The following AFF3 variants were observed in gnomAD, a reference collection of about 807,000 sequenced individuals.
The protein encoded by AFF3 is AF4/FMR2 family member 3.
In AFF3, 32 loss-of-function variants were observed where a neutral mutation model predicts 129.7. The observed-to-expected ratio is 0.25, with a 90% CI of 0.19 to 0.33. The LOEUF (loss-of-function observed/expected upper bound fraction) is 0.33, where lower values mean the gene tolerates loss of function less well. Ranked by LOEUF, AFF3 falls within the 10% of genes least tolerant of loss-of-function variation. AFF3 has a pLI of 1.00. For synonymous variants in AFF3, 644 were observed against 635.4 expected (o/e 1.01, Z -0.20); for missense variants, 1,373 against 1,592.0 (o/e 0.86, Z 2.34).
chr2:100,083,613 C>T (rs567458172), intron 4 of AFF3, among the ~76,000 whole-genome samples: 10 of 152,344 alleles, frequency 6.6e-5, no homozygotes, highest in Non-Finnish European at 1.3e-4. Flanking sequence ...TAATGGAAAA[C>T]GGCTGCTGCC....
At chr2:100,093,019 G>C (rs1389713355) in intron 4 of AFF3, among the ~76,000 whole-genome samples, 3,697 of 148,284 alleles carry the variant, frequency 0.025, no homozygotes, top group African/African-American at 0.093. Context: ...GAAATCCAGA[G>C]GAAGAAAGTT....
At chr2:99,734,639 T>C (rs1396400616) in intron 10 of AFF3, among the ~76,000 whole-genome samples, 1 of 151,950 alleles carries the variant, frequency 6.6e-6, no homozygotes, top group Non-Finnish European at 1.5e-5. Flanking sequence ...CCTATTTTTC[T>C]TTTAATATTT....
At chr2:100,071,275 A>C (rs1688160411) in intron 4 of AFF3, among the ~76,000 whole-genome samples, 1 of 152,248 alleles carries the variant, frequency 6.6e-6, no homozygotes, top group South Asian at 2.1e-4. Flanking sequence ...ATAGAGAAAA[A>C]AATTTAAAAT....
intron 7 of AFF3, chr2:100,006,117 T>A (rs767409812): frequency 1.3e-5 from 2 of 152,430 alleles, no homozygotes; most frequent in African/African-American, 2.4e-5. Context: ...GTTGAATAAT[T>A]TAAACAATTA....
chr2:99,554,438 CG>C lies in AFF3; in HGVS notation c.3431del (p.Pro1144ArgfsTer120), dbSNP rs1186236141. The C allele has an allele frequency of 6.2e-7, 1 of 1,613,992 alleles. No homozygotes were observed. The highest frequency in any genetic ancestry group is 8.5e-7 in the Non-Finnish European group (1 of 1,180,038). Reference protein sequence around the residue: ...GSLSNASALSPSTIVSIPQRI... With the variant: ...GSLSNASALSXSTIVSIPQRI... Reference sequence around the variant, plus strand: ...GCTGTGGGATGCTGACGATGGTCGACGGGGACAGGGCGCTGGCGTTGGAGAG... The same window carrying C: ...GCTGTGGGATGCTGACGATGGTCGACGGGACAGGGCGCTGGCGTTGGAGAG... On this transcript the variant is annotated frameshift_variant, in exon 24 of 25. Coordinates refer to ENST00000672756, the MANE Select transcript of AFF3 (RefSeq NM_001386135.1). LOFTEE classifies it high-confidence loss of function.
intron 7 of AFF3, among the ~76,000 whole-genome samples, chr2:99,959,108 TAAAGG>T (rs1676960325): frequency 6.6e-6 from 1 of 151,564 alleles, no homozygotes. Flanking sequence ...GATAAATAAA[TAAAGG>T]AGAGGACAGC....
chr2:100,002,231 C>G (rs916936482), intron 7 of AFF3, among the ~76,000 whole-genome samples: 1 of 152,226 alleles, frequency 6.6e-6, no homozygotes, highest in Non-Finnish European at 1.5e-5. Flanking sequence ...TTTACAGATG[C>G]CTTTTTTGCC....
rs1356644824 is a variant in AFF3 at position 99,992,557 on chromosome 2, CCTTT to C, written c.873+14071_873+14074del. On this transcript the variant is annotated intron_variant, in intron 7 of 24. Transcript: ENST00000672756. ...CGAACCAGAATAAGATAATAGGGAG[CCTTT>C]CTGTCTTTATCAAAAATTTCTAGAA... is the stretch of plus-strand genomic sequence containing the variant. Among the ~76,000 whole-genome samples, 45 of 152,298 alleles carry C rather than the reference CCTTT, an allele frequency of 3.0e-4. 1 individual carries two copies. In the East Asian group the frequency reaches 7.9e-3, roughly 27 times the overall value.
At chr2:99,787,125 C>A (rs2105417330) in intron 8 of AFF3, among the ~76,000 whole-genome samples, 1 of 152,214 alleles carries the variant, frequency 6.6e-6, no homozygotes, top group East Asian at 1.9e-4. Flanking sequence ...GGCAGTTATA[C>A]TTCTCTCAAA....
rs1241586288 is a variant in AFF3 at position 99,727,064 on chromosome 2, G to C, written c.1091+13C>G. 2 of 1,599,750 alleles carry C rather than the reference G, an allele frequency of 1.3e-6. No homozygotes were observed. The highest frequency in any genetic ancestry group is 4.5e-5 in the East Asian group (2 of 44,682). ...AGAACAGGCATCTCTGATAGAAAAT[G>C]AAAGAAACTTACGATGTATTCGATG... On this transcript the variant is annotated intron_variant, in intron 11 of 24. Transcript: ENST00000672756.
Position 100,025,047 on chromosome 2 carries a change from A to T in AFF3, c.54-16115T>A, listed in dbSNP as rs537894753. ...GTTTTAATTTGTTCTTTCCCTTTAA[A>T]CTATCTATAAACATGAAAAATGTAA... On this transcript the variant is annotated intron_variant, in intron 4 of 24. Coordinates refer to ENST00000672756, the MANE Select transcript of AFF3 (RefSeq NM_001386135.1). 2.2e-3 allele frequency among the ~76,000 whole-genome samples: 329 copies of T among 152,232 alleles called. 4 individuals carry two copies. Among genetic ancestry groups the T allele is most frequent in the African/African-American group, 7.5e-3 (311 of 41,542 alleles).
intron 8 of AFF3, among the ~76,000 whole-genome samples, chr2:99,764,616 AT>A (rs1682863569): frequency 6.6e-6 from 1 of 152,242 alleles, no homozygotes; most frequent in Admixed American, 6.5e-5. Flanking sequence ...TGTTTAAAAA[AT>A]AATATGATTC....
chr2:100,040,237 A>G (rs1001056093), intron 4 of AFF3, among the ~76,000 whole-genome samples: 3 of 152,034 alleles, frequency 2.0e-5, no homozygotes, highest in Admixed American at 1.3e-4. Flanking sequence ...TTAGACTGCA[A>G]TCTCCTTCAT....
At chr2:99,642,691 G>A (rs1042574612) in intron 13 of AFF3, among the ~76,000 whole-genome samples, 18 of 152,238 alleles carry the variant, frequency 1.2e-4, no homozygotes, top group Middle Eastern at 3.4e-3. Context: ...TCCTATCTCC[G>A]ACCCCAGCCA....
At chr2:99,917,592 T>C (rs1695559892) in intron 7 of AFF3, among the ~76,000 whole-genome samples, 1 of 152,210 alleles carries the variant, frequency 6.6e-6, no homozygotes, top group Non-Finnish European at 1.5e-5. Flanking sequence ...CATATAATCA[T>C]ACATCATATC....
chr2:100,132,560 G>A (rs1187362298), intron 1 of AFF3, among the ~76,000 whole-genome samples: 2 of 152,102 alleles, frequency 1.3e-5, no homozygotes, highest in Non-Finnish European at 2.9e-5. Flanking sequence ...AAAACAAAGG[G>A]TGCGGTATCT....
intron 7 of AFF3, among the ~76,000 whole-genome samples, chr2:99,970,707 C>T (rs576611357): frequency 2.6e-5 from 4 of 152,172 alleles, no homozygotes; most frequent in African/African-American, 9.7e-5. Context: ...TGGGGTCTAC[C>T]GTTGCCCCTA....
chr2:99,727,046 G>A, intron 11 of AFF3, 31 bp downstream of exon 11: 1 of 1,568,000 alleles, frequency 6.4e-7, no homozygotes, highest in Non-Finnish European at 8.7e-7. Flanking sequence ...TTAAGAACAG[G>A]CATCTCTGAT....
intron 4 of AFF3, among the ~76,000 whole-genome samples, chr2:100,060,922 T>C (rs2105227206): frequency 6.6e-6 from 1 of 152,356 alleles, no homozygotes; most frequent in East Asian, 1.9e-4. Context: ...AGTGACACTT[T>C]GCTCAGACTT....
Sources: allele counts gnomAD v4.1 joint callset (sites outside exome capture counted in the v4.1 genomes callset), GRCh38; gene constraint gnomAD v4.1.1; transcripts MANE v1.5; gene names NCBI Gene and HGNC (gene_info 2026-07-23, HGNC 2026-07-21).